The following NFIC variants were observed in gnomAD, a reference collection of about 807,000 sequenced individuals.
The protein encoded by NFIC is nuclear factor I C.
Under a neutral mutation model 54.4 loss-of-function variants are expected in NFIC, and 12 were observed. The observed-to-expected ratio is 0.22, with a 90% CI of 0.14 to 0.36. NFIC has a LOEUF of 0.36. Among genes scored for constraint, NFIC ranks in the 10% least tolerant of loss-of-function variants. NFIC has a pLI of 1.00. For synonymous variants in NFIC, 322 were observed against 319.2 expected (o/e 1.01, Z -0.09); for missense variants, 575 against 718.2 (o/e 0.80, Z 2.28).
At chr19:3,371,088 C>T (rs954307022) in intron 1 of NFIC, among the ~76,000 whole-genome samples, 3 of 152,206 alleles carry the variant, frequency 2.0e-5, no homozygotes, top group African/African-American at 7.2e-5. Flanking sequence ...AAATCTTGCT[C>T]AGGAGGTGCC....
intron 7 of NFIC, among the ~76,000 whole-genome samples, chr19:3,451,013 C>G (rs1482115998): frequency 2.0e-5 from 3 of 152,206 alleles, no homozygotes; most frequent in African/African-American, 2.4e-5. Flanking sequence ...TATTTACTAT[C>G]TGGCCAGAGG....
rs1022873602 is a variant in NFIC, at chr19:3,465,591, C to G, written c.*2822C>G. ...CCCTGGTGCTCAGCCTCTACCACCCCCAACCCTGCTCTTGGGTACCCAGAG... is the reference window on the plus strand; with the variant it reads ...CCCTGGTGCTCAGCCTCTACCACCCGCAACCCTGCTCTTGGGTACCCAGAG... On this transcript the variant is annotated 3_prime_UTR_variant, in exon 11 of 11. Transcript: ENST00000443272. 4.6e-5 allele frequency: 7 copies of G among 152,230 alleles called. No homozygotes were observed. Among genetic ancestry groups the G allele is most frequent in the African/African-American group, 1.7e-4 (7 of 41,440 alleles). The allele number at this position is 152,230 out of a possible 1,614,324, so 9.4% of individuals were successfully genotyped here. A position where few individuals can be genotyped will look rare whatever the true frequency, so the allele number is the denominator to read the frequency against.
intron 2 of NFIC, among the ~76,000 whole-genome samples, chr19:3,384,491 C>A (rs1410096549): frequency 6.6e-6 from 1 of 152,034 alleles, no homozygotes; most frequent in Non-Finnish European, 1.5e-5. Context: ...CAGGTTCAAG[C>A]GATTCTCCTG....
At chr19:3,431,738 A>T (rs115722085) in intron 3 of NFIC, among the ~76,000 whole-genome samples, 3,630 of 151,762 alleles carry the variant, frequency 0.024, 119 homozygotes, top group African/African-American at 0.077. Flanking sequence ...TCCTGAGCTC[A>T]CGAGATCCAC....
Position 3,435,137 on chromosome 19 carries a change from C to T in NFIC, c.888C>T (p.Gly296=). 1.9e-6 allele frequency: 3 copies of T among 1,605,834 alleles called. No individual in the cohort carries two copies. The highest frequency in any genetic ancestry group is 2.5e-6 in the Non-Finnish European group (3 of 1,176,760). The change falls in exon 6 of 11, where the codon GGC becomes GGT. Residue 296 remains glycine, a synonymous_variant. Transcript: ENST00000443272. The stretch of plus-strand genomic sequence containing the variant: ...AGGAAGACGTGGACACGAGCCCTGG[C>T]GGCGATTACTACACTTCGCCCAGCT... The part of the protein sequence containing the change: ...SMEEDVDTSP[G]GDYYTSPSSP...
chr19:3,360,719 AACTGGGCG>A (rs568066304), intron 1 of NFIC, among the ~76,000 whole-genome samples: 239 of 152,278 alleles, frequency 1.6e-3, no homozygotes, highest in Non-Finnish European at 2.6e-3. Context: ...GTCTTTGGAT[AACTGGGCG>A]ACTGTGCGCG....
At position 3,429,692 on chromosome 19, in the gene NFIC, G is replaced by T. The variant is rs929928356; in HGVS notation, c.635-3826G>T. On this transcript the variant is annotated intron_variant, in intron 3 of 10. Transcript: ENST00000443272. ...CAGTCCGTGCTGCCCCCTGGGGGCCGGGAGAGGAACTGCTCCCACCGCCAC... is the reference window on the plus strand; with the variant it reads ...CAGTCCGTGCTGCCCCCTGGGGGCCTGGAGAGGAACTGCTCCCACCGCCAC... Among the ~76,000 whole-genome samples, 4 of 152,158 alleles carry T rather than the reference G, an allele frequency of 2.6e-5. No homozygotes were observed. The East Asian group carries it at 7.7e-4, about 29-fold the overall frequency.
rs61370671 is a variant in NFIC, at chr19:3,449,187, C to G, written c.1084+48C>G. On this transcript the variant is annotated intron_variant, in intron 7 of 10. Transcript: ENST00000443272. ...GGGGAGGGGCGGCGGGCCCTCCTATCAGGCCTCTCACAGCCGGGGAAGTCC... is the reference window on the plus strand; with the variant it reads ...GGGGAGGGGCGGCGGGCCCTCCTATGAGGCCTCTCACAGCCGGGGAAGTCC... 23,239 of 1,585,984 alleles carry G rather than the reference C, an allele frequency of 0.015. 2,555 individuals are homozygous for G. The African/African-American group carries it at 0.26, about 18-fold the overall frequency.
chr19:3,445,422 G>A (rs1288572251), intron 6 of NFIC, among the ~76,000 whole-genome samples: 1 of 152,186 alleles, frequency 6.6e-6, no homozygotes, highest in African/African-American at 2.4e-5. Context: ...CGAGGCCTCA[G>A]GAGTGTTCCC....
At chr19:3,410,837 G>A (rs1202634534) in intron 2 of NFIC, 1 of 152,282 alleles carries the variant, frequency 6.6e-6, no homozygotes, top group African/African-American at 2.4e-5. Flanking sequence ...GAGAGCCGCT[G>A]GAGGTTGGAG....
At chr19:3,414,026 G>A (rs959020940) in intron 2 of NFIC, among the ~76,000 whole-genome samples, 1 of 151,968 alleles carries the variant, frequency 6.6e-6, no homozygotes, top group Non-Finnish European at 1.5e-5. Context: ...CTCTGTTGCC[G>A]CTGTGTCCCT....
At chr19:3,376,273 G>T (rs2033278381) in intron 1 of NFIC, among the ~76,000 whole-genome samples, 1 of 149,324 alleles carries the variant, frequency 6.7e-6, no homozygotes, top group South Asian at 2.1e-4. Context: ...TCTACTAAAA[G>T]TACAAAAATT....
intron 2 of NFIC, among the ~76,000 whole-genome samples, chr19:3,397,412 G>C (rs2081482034): frequency 1.3e-5 from 2 of 152,232 alleles, no homozygotes; most frequent in African/African-American, 4.8e-5. Flanking sequence ...CGCAGGTTCA[G>C]CTGGCTCAAG....
At chr19:3,460,238 C>A (rs936247273) in intron 10 of NFIC, among the ~76,000 whole-genome samples, 1 of 152,194 alleles carries the variant, frequency 6.6e-6, no homozygotes, top group Non-Finnish European at 1.5e-5. Flanking sequence ...GGGCCCTGGA[C>A]GCCCAGGACA....
chr19:3,414,543 C>T (rs535329382), intron 2 of NFIC, among the ~76,000 whole-genome samples: 5 of 151,310 alleles, frequency 3.3e-5, no homozygotes, highest in African/African-American at 9.7e-5. Flanking sequence ...TGCAGTGAGC[C>T]GAGATCACGT....
intron 1 of NFIC, among the ~76,000 whole-genome samples, chr19:3,376,048 C>T (rs192223596): frequency 3.0e-4 from 46 of 152,246 alleles, no homozygotes; most frequent in Admixed American, 2.6e-3. Flanking sequence ...GGTCTCCGCC[C>T]CTCTCTGAGC....
rs142664387 is a variant in NFIC at position 3,458,436 on chromosome 19, C to G, written c.1509+1801C>G. On this transcript the variant is annotated intron_variant, in intron 10 of 10. Transcript: ENST00000443272. This position sits in a 1 kb window ranked among gnomAD's most constrained non-coding sequence, Gnocchi z 4.1. Reference sequence around the variant, plus strand: ...CAGCCTCTGCCTTGGACCAAACTCTCTGACCAGGCCCTCCCGCCAGGGCCC... The same window carrying G: ...CAGCCTCTGCCTTGGACCAAACTCTGTGACCAGGCCCTCCCGCCAGGGCCC... 8.7e-4 allele frequency among the ~76,000 whole-genome samples: 133 copies of G among 152,306 alleles called. No individual in the cohort carries two copies. The highest frequency in any genetic ancestry group is 1.7e-3 in the South Asian group (8 of 4,824).
chr19:3,429,746 A>G (rs1385683107), intron 3 of NFIC, among the ~76,000 whole-genome samples: 1 of 151,920 alleles, frequency 6.6e-6, no homozygotes, highest in Non-Finnish European at 1.5e-5. Flanking sequence ...TCCCACCTCC[A>G]AACCTACCAG....
At chr19:3,432,966 G>A (rs1383902538) in intron 3 of NFIC, among the ~76,000 whole-genome samples, 18 of 151,324 alleles carry the variant, frequency 1.2e-4, no homozygotes, top group East Asian at 1.2e-3. Flanking sequence ...CACCGCACCC[G>A]GCTCCACTCG....
Sources: gnomAD v4.1 joint callset for allele counts (sites outside exome capture counted in the v4.1 genomes callset) on GRCh38, gnomAD v4.1.1 for gene constraint, Gnocchi (gnomAD v3.1) non-coding constraint, MANE v1.5 for transcripts, NCBI Gene and HGNC (gene_info 2026-07-23, HGNC 2026-07-21) for gene names.